The following HPSE2 variants were observed in gnomAD, a reference collection of about 807,000 sequenced individuals.
HPSE2 encodes inactive heparanase-2.
HPSE2 carries 38 observed loss-of-function variants against 60.5 expected under a neutral mutation model. That is an observed-to-expected ratio of 0.63 (90% CI 0.48 to 0.82). HPSE2 has a LOEUF of 0.82. Among genes scored for constraint, HPSE2 ranks in the 40% least tolerant of loss-of-function variants. The pLI is 0.00. For missense variants in HPSE2, 713 were observed against 740.4 expected (o/e 0.96, Z 0.43); for synonymous variants, 295 against 293.2 (o/e 1.01, Z -0.06).
At chr10:98,838,671 A>G (rs1170910118) in intron 3 of HPSE2, among the ~76,000 whole-genome samples, 1 of 151,930 alleles carries the variant, frequency 6.6e-6, no homozygotes, top group Non-Finnish European at 1.5e-5. Flanking sequence ...GCTTCAAGCA[A>G]TCCTCCCACT....
At position 98,933,485 on chromosome 10, in the gene HPSE2, T is replaced by A. The variant is rs1428693974; in HGVS notation, c.611-189429A>T. On this transcript the variant is annotated intron_variant, in intron 3 of 11. Coordinates refer to ENST00000370552, the MANE Select transcript of HPSE2 (RefSeq NM_021828.5). ...CTATCAGGTCCACTTGATTTAGAGC[T>A]GAGTTCAAGTCCTGGATATCTTTGT... 2.1e-5 allele frequency among the ~76,000 whole-genome samples: 3 copies of A among 144,048 alleles called. 1 individual carries two copies. Among genetic ancestry groups the A allele is most frequent in the African/African-American group, 8.5e-5 (3 of 35,388 alleles). The allele number at this position is 144,048 out of a possible 152,430, so 94.5% of individuals were successfully genotyped here.
At chr10:98,628,634 C>A (rs1301344642) in intron 7 of HPSE2, among the ~76,000 whole-genome samples, 1 of 152,108 alleles carries the variant, frequency 6.6e-6, no homozygotes, top group Non-Finnish European at 1.5e-5. Context: ...GACTTCAATC[C>A]TTGGGTGCAT....
Position 98,937,546 on chromosome 10 carries a change from C to G in HPSE2, c.611-193490G>C, listed in dbSNP as rs1433409127. Reference sequence around the variant, plus strand: ...GCCAGGCTGGGGGAGGGGTGCCCACCATTGCCCAGGCTTTCTTAGGTAAAC... The same window carrying G: ...GCCAGGCTGGGGGAGGGGTGCCCACGATTGCCCAGGCTTTCTTAGGTAAAC... On this transcript the variant is annotated intron_variant, in intron 3 of 11. Transcript: ENST00000370552. 2.8e-5 allele frequency among the ~76,000 whole-genome samples: 4 copies of G among 144,374 alleles called. 1 individual carries two copies. Among genetic ancestry groups the G allele is most frequent in the African/African-American group, 1.1e-4 (4 of 35,710 alleles). The allele number at this position is 144,374 out of a possible 152,430, so 94.7% of individuals were successfully genotyped here. A position where few individuals can be genotyped will look rare whatever the true frequency, so the allele number is the denominator to read the frequency against.
rs373433425 is a variant in HPSE2, at chr10:98,538,819, G to A, written c.1321-48623C>T. ...TAGAGAACTGCTTGTTTAGCTTAAT[G>A]GAAGAATTGCAAAGTTTGAGCAGGC... On this transcript the variant is annotated intron_variant, in intron 9 of 11. Coordinates refer to ENST00000370552, the MANE Select transcript of HPSE2 (RefSeq NM_021828.5). 5.9e-5 allele frequency among the ~76,000 whole-genome samples: 9 copies of A among 152,240 alleles called. No homozygotes were observed. The East Asian group carries it at 1.8e-3, about 30-fold the overall frequency.
chr10:98,624,330 G>GA (rs1309428095), intron 7 of HPSE2, among the ~76,000 whole-genome samples: 1 of 152,144 alleles, frequency 6.6e-6, no homozygotes, highest in Non-Finnish European at 1.5e-5. Context: ...TCTGAACTGA[G>GA]AACTGAGTGA....
At chr10:98,997,056 T>G (rs180758570) in intron 3 of HPSE2, among the ~76,000 whole-genome samples, 8 of 152,168 alleles carry the variant, frequency 5.3e-5, no homozygotes, top group Non-Finnish European at 5.9e-5. Flanking sequence ...AGTATGTATT[T>G]ATTCCTTTTT....
Position 98,459,711 on chromosome 10 carries a change from C to G in HPSE2, c.1642G>C (p.Val548Leu). The G allele has an allele frequency of 6.2e-7, 1 of 1,613,962 alleles. No homozygotes were observed. The highest frequency in any genetic ancestry group is 8.5e-7 in the Non-Finnish European group (1 of 1,179,984). ...GGGAGGGTCCCGTCGTCCACCATCA[C>G]TAAGGGCTGGCCATTCAGTTGCACT... is the stretch of plus-strand genomic sequence containing the variant. ...KSVQLNGQPL[V>L]MVDDGTLPEL... Residue 548 changes from valine to leucine, a missense_variant, in exon 12 of 12, where the codon GTG (valine) becomes CTG (leucine). Transcript: ENST00000370552.
intron 4 of HPSE2, among the ~76,000 whole-genome samples, chr10:98,730,932 G>A (rs1052704106): frequency 6.6e-6 from 1 of 152,098 alleles, no homozygotes; most frequent in Admixed American, 6.6e-5. Flanking sequence ...GAGGAAGAGG[G>A]AACACTTTTC....
intron 3 of HPSE2, among the ~76,000 whole-genome samples, chr10:99,132,204 AGAGAGAGAGAGAGAGAGAGAG>A (rs1845446561): frequency 4.7e-5 from 1 of 21,266 alleles, no homozygotes; most frequent in African/African-American, 7.4e-5. Context: ...AGAGAGAGAG[AGAGAGAGAGAGAGAGAGAGAG>A]AGAGAGAGAG....
chr10:99,033,380 A>G (rs953391117), intron 3 of HPSE2, among the ~76,000 whole-genome samples: 3 of 152,212 alleles, frequency 2.0e-5, no homozygotes, highest in Non-Finnish European at 4.4e-5. Context: ...GCCAAAAAAG[A>G]TATACAGATG....
At chr10:99,020,656 G>A (rs1437933905) in intron 3 of HPSE2, among the ~76,000 whole-genome samples, 2 of 152,116 alleles carry the variant, frequency 1.3e-5, no homozygotes, top group African/African-American at 4.8e-5. Flanking sequence ...TGTGTTGAGG[G>A]AGGGTGGTGA....
the HPSE2 span, among the ~76,000 whole-genome samples, chr10:99,254,776 G>C: frequency 6.6e-6 from 1 of 152,150 alleles, no homozygotes; most frequent in Non-Finnish European, 1.5e-5. Context: ...GTGTGGATGA[G>C]CTTTGAAAAC....
intron 9 of HPSE2, among the ~76,000 whole-genome samples, chr10:98,566,876 G>A (rs1944361571): frequency 6.6e-6 from 1 of 152,178 alleles, no homozygotes; most frequent in African/African-American, 2.4e-5. Flanking sequence ...AAAAATGGGT[G>A]AGAATTATAG....
intron 10 of HPSE2, among the ~76,000 whole-genome samples, chr10:98,486,924 T>C (rs1344826363): frequency 3.9e-5 from 6 of 152,192 alleles, no homozygotes; most frequent in Non-Finnish European, 8.8e-5. Flanking sequence ...TATTGTTTTG[T>C]AAGAGCCATT....
intron 9 of HPSE2, among the ~76,000 whole-genome samples, chr10:98,540,839 T>C (rs571788985): frequency 5.3e-5 from 8 of 152,304 alleles, no homozygotes; most frequent in African/African-American, 1.9e-4. Context: ...TCTACCATGA[T>C]ATAATTGGAC....
chr10:98,883,181 T>A (rs1953073149), intron 3 of HPSE2, among the ~76,000 whole-genome samples: 1 of 152,030 alleles, frequency 6.6e-6, no homozygotes, highest in South Asian at 2.1e-4. Context: ...GGTTGAGAGA[T>A]CAAAGGAATA....
intron 3 of HPSE2, among the ~76,000 whole-genome samples, chr10:99,042,279 C>T (rs1957757196): frequency 6.6e-6 from 1 of 152,110 alleles, no homozygotes; most frequent in African/African-American, 2.4e-5. Context: ...CTGACCCCTG[C>T]CCCACCCTTG....
intron 9 of HPSE2, among the ~76,000 whole-genome samples, chr10:98,507,643 AT>A (rs1213728594): frequency 1.3e-5 from 2 of 150,810 alleles, no homozygotes; most frequent in Non-Finnish European, 3.0e-5. Flanking sequence ...TATTCTAGCT[AT>A]TTTTTTCAAA....
intron 3 of HPSE2, among the ~76,000 whole-genome samples, chr10:99,028,684 C>A (rs1957431866): frequency 1.3e-5 from 2 of 152,052 alleles, no homozygotes; most frequent in Admixed American, 1.3e-4. Context: ...CAAAGCTATC[C>A]TAAGCAAAAA....
Sources: allele counts gnomAD v4.1 joint callset (sites outside exome capture counted in the v4.1 genomes callset), GRCh38; gene constraint gnomAD v4.1.1; transcripts MANE v1.5; gene names NCBI Gene and HGNC (gene_info 2026-07-23, HGNC 2026-07-21).